The following SAMMSON variants were observed in gnomAD, a reference collection of about 807,000 sequenced individuals.
SAMMSON encodes survival associated mitochondrial melanoma specific oncogenic non-coding RNA.
chr3:70,329,877 C>A (rs1702608542), intron 7 of SAMMSON, among the ~76,000 whole-genome samples: 1 of 151,864 alleles, frequency 6.6e-6, no homozygotes, highest in Non-Finnish European at 1.5e-5. Flanking sequence ...AGATTTTCAT[C>A]TTTTTGTTTT....
chr3:70,267,192 C>A (rs1037927832), intron 6 of SAMMSON, among the ~76,000 whole-genome samples: 4 of 151,978 alleles, frequency 2.6e-5, no homozygotes, highest in Admixed American at 2.6e-4. Flanking sequence ...ATACTTAATT[C>A]CCCCTTATGT....
intron 6 of SAMMSON, among the ~76,000 whole-genome samples, chr3:70,255,600 T>A (rs760934234): frequency 2.0e-5 from 3 of 152,128 alleles, no homozygotes; most frequent in Admixed American, 2.0e-4. Flanking sequence ...CAGCTAGGAC[T>A]GCAGGCATGC....
rs367886289 is a variant in SAMMSON at position 70,126,410 on chromosome 3, G to A, written n.507+54845G>A. 31 of 795,376 alleles carry A rather than the reference G, an allele frequency of 3.9e-5. No individual in the cohort carries two copies. In the East Asian group the frequency reaches 5.1e-4, roughly 13 times the overall value. 49.3% of individuals were successfully genotyped at this position (795,376 alleles called of 1,614,324 possible). A position where few individuals can be genotyped will look rare whatever the true frequency, so the allele number is the denominator to read the frequency against. ...CTGCTTTTTAGGGAATGTGGCAAAAGCTGTATGTTTCAGCTGCCCCTTATC... is the reference window on the plus strand; with the variant it reads ...CTGCTTTTTAGGGAATGTGGCAAAAACTGTATGTTTCAGCTGCCCCTTATC... On this transcript the variant is annotated intron_variant and non_coding_transcript_variant, in intron 4 of 9. Coordinates refer to ENST00000642114, the Ensembl canonical transcript of SAMMSON.
At chr3:70,185,790 G>A (rs1052203669) in intron 4 of SAMMSON, among the ~76,000 whole-genome samples, 19 of 126,486 alleles carry the variant, frequency 1.5e-4, no homozygotes, top group African/African-American at 5.8e-4. Flanking sequence ...GAGCAGCATA[G>A]CAAGACCCCG....
intron 6 of SAMMSON, among the ~76,000 whole-genome samples, chr3:70,282,523 C>T (rs933062042): frequency 6.6e-6 from 1 of 152,174 alleles, no homozygotes; most frequent in African/African-American, 2.4e-5. Flanking sequence ...TATCACTCAG[C>T]CTGGTTCATT....
chr3:70,137,295 C>T (rs1043905867), intron 4 of SAMMSON, among the ~76,000 whole-genome samples: 7 of 152,102 alleles, frequency 4.6e-5, no homozygotes, highest in Admixed American at 2.0e-4. Context: ...AAAAACTCCT[C>T]GATAGTTTAT....
At chr3:70,028,051 TCCTTCCTTCTTGCCTGCCTGCCTG>T (rs2067048243) in intron 3 of SAMMSON, among the ~76,000 whole-genome samples, 1 of 151,408 alleles carries the variant, frequency 6.6e-6, no homozygotes, top group Admixed American at 6.6e-5. Context: ...CCTCGTTGAG[TCCTTCCTTCTTGCCTGCCTGCCTG>T]CCTTCCTTCT....
At chr3:70,030,159 AAAT>A (rs2067058848) in intron 3 of SAMMSON, among the ~76,000 whole-genome samples, 1 of 151,544 alleles carries the variant, frequency 6.6e-6, no homozygotes, top group African/African-American at 2.5e-5. Context: ...AAAGTTAAAT[AAAT>A]AATAAAAATA....
intron 4 of SAMMSON, among the ~76,000 whole-genome samples, chr3:70,099,540 C>T (rs1487881702): frequency 1.3e-5 from 2 of 152,098 alleles, no homozygotes; most frequent in Non-Finnish European, 2.9e-5. Flanking sequence ...ATCAGTTTTT[C>T]AACTGGATGG....
At chr3:70,145,286 A>G (rs1329993097) in intron 4 of SAMMSON, among the ~76,000 whole-genome samples, 1 of 152,152 alleles carries the variant, frequency 6.6e-6, no homozygotes, top group African/African-American at 2.4e-5. Context: ...TCTTAAAGCA[A>G]TTGAAAAACC....
At chr3:70,215,988 G>T (rs1428834356) in intron 4 of SAMMSON, among the ~76,000 whole-genome samples, 1 of 151,808 alleles carries the variant, frequency 6.6e-6, no homozygotes, top group Non-Finnish European at 1.5e-5. Flanking sequence ...TGATTTGAAT[G>T]CAACATTTGC....
chr3:70,015,442 T>C (rs923588479), intron 3 of SAMMSON: 1 of 152,034 alleles, frequency 6.6e-6, no homozygotes, highest in African/African-American at 2.4e-5. Context: ...ATTTACCCAG[T>C]GTACAGGGAA....
At chr3:70,174,598 G>T (rs1293383243) in intron 4 of SAMMSON, among the ~76,000 whole-genome samples, 2 of 151,886 alleles carry the variant, frequency 1.3e-5, no homozygotes, top group Non-Finnish European at 2.9e-5. Context: ...GGTACTTCAT[G>T]GTGTCTAAGA....
At position 70,126,478 on chromosome 3, in the gene SAMMSON, G is replaced by T. The variant is rs988465091; in HGVS notation, n.507+54913G>T. The T allele has an allele frequency of 9.2e-6, 6 of 652,290 alleles. No homozygotes were observed. The African/African-American group carries it at 1.1e-4, about 12-fold the overall frequency. The allele number at this position is 652,290 out of a possible 1,614,324, so 40.4% of individuals were successfully genotyped here. On this transcript the variant is annotated intron_variant and non_coding_transcript_variant, in intron 4 of 9. Coordinates refer to ENST00000642114, the Ensembl canonical transcript of SAMMSON. The stretch of plus-strand genomic sequence containing the variant: ...ACCGTGCCTTGAAGTACTTCAGCAA[G>T]TCCTCTTTCTCCTCAGCGGTCAGCT...
chr3:70,286,632 C>G (rs1702166935), intron 6 of SAMMSON, among the ~76,000 whole-genome samples: 1 of 151,946 alleles, frequency 6.6e-6, no homozygotes. Context: ...GGCATTGAAT[C>G]TGTAAATTAC....
At chr3:70,023,876 A>C (rs2067026106) in intron 3 of SAMMSON, among the ~76,000 whole-genome samples, 1 of 152,190 alleles carries the variant, frequency 6.6e-6, no homozygotes, top group South Asian at 2.1e-4. Context: ...TGAGTCTTAC[A>C]ACCTACACCA....
At chr3:70,183,817 T>G (rs1312881427) in intron 4 of SAMMSON, 1 of 152,146 alleles carries the variant, frequency 6.6e-6, no homozygotes, top group Non-Finnish European at 1.5e-5. Context: ...TGAGAGCAGT[T>G]TAAAAAAATA....
intron 4 of SAMMSON, among the ~76,000 whole-genome samples, chr3:70,247,356 T>A (rs1701716864): frequency 6.6e-6 from 1 of 151,986 alleles, no homozygotes; most frequent in Non-Finnish European, 1.5e-5. Flanking sequence ...GAGTTCTGAA[T>A]GGTTAATGCG....
intron 4 of SAMMSON, among the ~76,000 whole-genome samples, chr3:70,113,101 T>C (rs2067396032): frequency 6.6e-6 from 1 of 152,136 alleles, no homozygotes; most frequent in Non-Finnish European, 1.5e-5. Flanking sequence ...GAATAAAACA[T>C]ATGAAAGGAC....
Sources: gnomAD v4.1 joint callset for allele counts (sites outside exome capture counted in the v4.1 genomes callset) on GRCh38, gnomAD v4.1.1 for gene constraint, MANE v1.5 for transcripts, NCBI Gene and HGNC (gene_info 2026-07-23, HGNC 2026-07-21) for gene names.